PIK3CB: variants seen among roughly 807,000 people sequenced by gnomAD.
PIK3CB encodes phosphatidylinositol 4,5-bisphosphate 3-kinase catalytic subunit beta isoform.
Under a neutral mutation model 136.8 loss-of-function variants are expected in PIK3CB, and 39 were observed. The observed-to-expected ratio is 0.29, with a 90% CI of 0.22 to 0.37. The LOEUF is 0.37. PIK3CB is among the 10% of genes least tolerant of loss of function. The pLI is 1.00. For synonymous variants in PIK3CB, 428 were observed against 436.6 expected (o/e 0.98, Z 0.25); for missense variants, 868 against 1,275.4 (o/e 0.68, Z 4.87).
At chr3:138,779,960 CT>C (rs537563652) in intron 2 of PIK3CB, among the ~76,000 whole-genome samples, 21 of 149,648 alleles carry the variant, frequency 1.4e-4, no homozygotes, top group Admixed American at 6.0e-4. Context: ...GCACTGAGAA[CT>C]TTTTTTTTTC....
intron 19 of PIK3CB, among the ~76,000 whole-genome samples, chr3:138,666,393 G>GT (rs1461887778): frequency 1.3e-5 from 2 of 151,996 alleles, no homozygotes; most frequent in Non-Finnish European, 2.9e-5. Flanking sequence ...TGCTAAGCTT[G>GT]TAACTCCTGG....
chr3:138,819,432 G>A (rs1933466394), intron 1 of PIK3CB, among the ~76,000 whole-genome samples: 1 of 151,878 alleles, frequency 6.6e-6, no homozygotes, highest in South Asian at 2.1e-4. Flanking sequence ...GTAAAGTTCT[G>A]AACAAACTAA....
In PIK3CB at chr3:138,815,162, AATAT is replaced by A. The variant is rs1553743710; in HGVS notation, c.-121-18599_-121-18596del. On this transcript the variant is annotated intron_variant, in intron 1 of 23. Coordinates refer to ENST00000674063, the MANE Select transcript of PIK3CB (RefSeq NM_006219.3). ...CTCAAAAAAAAAAAAAAAAAAAAAAAATATATATATATATACATATATATATATA... is the reference window on the plus strand; with the variant it reads ...CTCAAAAAAAAAAAAAAAAAAAAAAAATATATATATACATATATATATATA... Among the ~76,000 whole-genome samples the A allele has an allele frequency of 5.1e-3, 317 of 62,460 alleles. 8 individuals carry two copies. The highest frequency in any genetic ancestry group is 0.019 in the East Asian group (58 of 3,126). The allele number at this position is 62,460 out of a possible 152,430, so 41.0% of individuals were successfully genotyped here. A position where few individuals can be genotyped will look rare whatever the true frequency, so the allele number is the denominator to read the frequency against.
intron 1 of PIK3CB, among the ~76,000 whole-genome samples, chr3:138,823,627 A>C (rs951678614): frequency 6.6e-6 from 1 of 152,060 alleles, no homozygotes; most frequent in Non-Finnish European, 1.5e-5. Flanking sequence ...CACTTGAACC[A>C]GGGAGTCAGA....
intron 18 of PIK3CB, among the ~76,000 whole-genome samples, chr3:138,682,450 A>G (rs572124379): frequency 5.3e-4 from 80 of 152,304 alleles, no homozygotes; most frequent in South Asian, 2.9e-3. Flanking sequence ...GTCCGAGAGG[A>G]TAACACATGG....
chr3:138,815,162 AATATAT>A (rs1553743710), intron 1 of PIK3CB, among the ~76,000 whole-genome samples: 4 of 62,474 alleles, frequency 6.4e-5, no homozygotes, highest in Middle Eastern at 0.019. Context: ...AAAAAAAAAA[AATATAT>A]ATATATATAC....
intron 8 of PIK3CB, among the ~76,000 whole-genome samples, chr3:138,719,897 C>G (rs1224615465): frequency 1.3e-5 from 2 of 151,044 alleles, no homozygotes; most frequent in Non-Finnish European, 2.9e-5. Flanking sequence ...TCTGCAAACA[C>G]TGACAAAAAA....
intron 19 of PIK3CB, among the ~76,000 whole-genome samples, chr3:138,675,237 A>C (rs1338413655): frequency 6.6e-6 from 1 of 152,144 alleles, no homozygotes; most frequent in African/African-American, 2.4e-5. Flanking sequence ...AAAAATTGGC[A>C]AACTTGTGGA....
chr3:138,690,937 A>G, intron 15 of PIK3CB, 63 bp downstream of exon 15: 1 of 1,274,130 alleles, frequency 7.8e-7, no homozygotes, highest in South Asian at 1.4e-5. Flanking sequence ...TATTAAATAT[A>G]TTATGCTTGT....
intron 10 of PIK3CB, 194 bp from the exon 11 acceptor site, chr3:138,707,483 C>A: frequency 7.5e-7 from 1 of 1,330,332 alleles, no homozygotes; most frequent in African/African-American, 1.5e-5. Context: ...AGTTTGCATA[C>A]ATGTTTTAAA....
Position 138,755,748 on chromosome 3 carries a change from A to G in PIK3CB, c.397+6T>C, listed in dbSNP as rs557586198. On this transcript the variant is annotated splice_donor_region_variant and intron_variant, in intron 4 of 23. Transcript: ENST00000674063. Reference sequence around the variant, plus strand: ...ATTTGTACTTTTTTTTTATTTTTTAATTTACCTTTTCCTATAAGGACTCCA... The same window carrying G: ...ATTTGTACTTTTTTTTTATTTTTTAGTTTACCTTTTCCTATAAGGACTCCA... The G allele has an allele frequency of 2.9e-6, 4 of 1,363,624 alleles. No individual in the cohort carries two copies. In the Admixed American group the frequency reaches 7.4e-5, roughly 25 times the overall value. The allele number at this position is 1,363,624 out of a possible 1,614,324, so 84.5% of individuals were successfully genotyped here.
intron 19 of PIK3CB, among the ~76,000 whole-genome samples, chr3:138,673,824 A>T (rs574490981): frequency 6.6e-6 from 1 of 152,156 alleles, no homozygotes; most frequent in Non-Finnish European, 1.5e-5. Flanking sequence ...TGGTGAATGC[A>T]TGTCTGACAG....
intron 4 of PIK3CB, among the ~76,000 whole-genome samples, chr3:138,750,647 T>C (rs752878167): frequency 6.6e-6 from 1 of 152,172 alleles, no homozygotes; most frequent in African/African-American, 2.4e-5. Context: ...CCAGAACTTA[T>C]TCCTGCTAAC....
At chr3:138,707,521 C>T in intron 10 of PIK3CB, 2 of 1,273,396 alleles carry the variant, frequency 1.6e-6, no homozygotes, top group South Asian at 4.2e-5. Context: ...AACTGAATGA[C>T]TACTTTACCT....
At chr3:138,776,156 C>T (rs1283230460) in intron 2 of PIK3CB, among the ~76,000 whole-genome samples, 3 of 152,028 alleles carry the variant, frequency 2.0e-5, no homozygotes, top group East Asian at 1.9e-4. Flanking sequence ...GGAGATTGCA[C>T]CATTGCACTC....
At chr3:138,776,027 G>A (rs2045853787) in intron 2 of PIK3CB, among the ~76,000 whole-genome samples, 1 of 152,012 alleles carries the variant, frequency 6.6e-6, no homozygotes, top group Non-Finnish European at 1.5e-5. Context: ...GTGAAACCCA[G>A]TCTCTACTAA....
At chr3:138,676,191 A>T (rs1017849765) in intron 19 of PIK3CB, among the ~76,000 whole-genome samples, 5 of 152,356 alleles carry the variant, frequency 3.3e-5, no homozygotes, top group African/African-American at 1.2e-4. Context: ...AAGGTATAGA[A>T]ATAACCAACA....
intron 4 of PIK3CB, among the ~76,000 whole-genome samples, chr3:138,748,918 T>C (rs1264299754): frequency 6.6e-6 from 1 of 152,232 alleles, no homozygotes; most frequent in Non-Finnish European, 1.5e-5. Context: ...AAGGGTTGCA[T>C]TGTCTTTTTA....
intron 12 of PIK3CB, among the ~76,000 whole-genome samples, chr3:138,700,659 G>A (rs1402605852): frequency 1.3e-5 from 2 of 151,954 alleles, no homozygotes; most frequent in East Asian, 3.9e-4. Context: ...TTGCACTCCA[G>A]CCCGGGCAAC....
Sources: gnomAD v4.1 joint callset for allele counts (sites outside exome capture counted in the v4.1 genomes callset) on GRCh38, gnomAD v4.1.1 for gene constraint, MANE v1.5 for transcripts, NCBI Gene and HGNC (gene_info 2026-07-23, HGNC 2026-07-21) for gene names.